The following CTSO variants were observed in gnomAD, a reference collection of about 807,000 sequenced individuals.
The protein encoded by CTSO is cathepsin O.
CTSO carries 40 observed loss-of-function variants against 42.4 expected under a neutral mutation model. The observed-to-expected ratio is 0.94, with a 90% confidence interval of 0.73 to 1.23. The LOEUF is 1.23. CTSO is among the 50% of genes most tolerant of loss of function. The pLI, the probability that CTSO is intolerant of heterozygous loss-of-function variation, is 0.00. For missense variants in CTSO, 441 were observed against 396.0 expected, an observed-to-expected ratio of 1.11 and a Z score of -0.96; for synonymous variants, 156 against 146.2, an observed-to-expected ratio of 1.07 and a Z score of -0.48.
rs369167914 is a variant in CTSO at position 155,939,431 on chromosome 4, C to T, written c.492G>A (p.Ser164=). The T allele has an allele frequency of 6.2e-6, 10 of 1,613,948 alleles. No homozygotes were observed. The East Asian group carries it at 6.7e-5, about 11-fold the overall frequency. Residue 164 remains serine (S), a synonymous_variant, in exon 4 of 8, where the codon TCG becomes TCA. Transcript: ENST00000433477. ...CTCCATTGCAGCCATAATTATTATA[C>T]GAACAGTCAATGACCTGCTGGACAC... ...DLSVQQVIDC[S]YNNYGCNGGS...
chr4:155,935,209 C>T (rs1436523377), intron 5 of CTSO, among the ~76,000 whole-genome samples: 2 of 152,132 alleles, frequency 1.3e-5, no homozygotes, highest in African/African-American at 4.8e-5. Context: ...GTAAGTAGTG[C>T]CTTTTACCTC....
At chr4:155,936,421 G>C (rs771937209) in intron 5 of CTSO, among the ~76,000 whole-genome samples, 37 of 152,116 alleles carry the variant, frequency 2.4e-4, no homozygotes, top group Admixed American at 5.2e-4. Flanking sequence ...TGGATCAAGG[G>C]ATTATTTTAT....
intron 1 of CTSO, among the ~76,000 whole-genome samples, chr4:155,946,227 G>A (rs900212056): frequency 3.9e-5 from 6 of 152,124 alleles, no homozygotes; most frequent in Non-Finnish European, 5.9e-5. Flanking sequence ...AATGCCAGAT[G>A]AAACAAACTT....
chr4:155,952,918 C>T (rs1168803231), intron 1 of CTSO, among the ~76,000 whole-genome samples: 1 of 152,116 alleles, frequency 6.6e-6, no homozygotes, highest in Non-Finnish European at 1.5e-5. Context: ...TAAATAGTAT[C>T]AGCTATCTAG....
At chr4:155,931,023 A>G (rs1184982869) in intron 5 of CTSO, among the ~76,000 whole-genome samples, 1 of 152,178 alleles carries the variant, frequency 6.6e-6, no homozygotes, top group Non-Finnish European at 1.5e-5. Context: ...TCAACCTACC[A>G]TGCAGAATCA....
chr4:155,932,687 C>T (rs1483878981), intron 5 of CTSO, among the ~76,000 whole-genome samples: 2 of 152,248 alleles, frequency 1.3e-5, no homozygotes, highest in East Asian at 3.9e-4. Context: ...ACATTTTACC[C>T]TGGCTGCCAG....
In CTSO at chr4:155,940,756, T is replaced by C. The variant is rs28720693; in HGVS notation, c.385-1218A>G. On this transcript the variant is annotated intron_variant, in intron 3 of 7. Coordinates refer to ENST00000433477, the MANE Select transcript of CTSO (RefSeq NM_001334.3). ...TACTAAGGAGGCTGAGGCAGGAGAA[T>C]CTCTTGAACCTGGGAGGTGGAGGTT... is the stretch of plus-strand genomic sequence containing the variant. 6.3e-3 allele frequency among the ~76,000 whole-genome samples: 960 copies of C among 151,806 alleles called. 9 individuals carry two copies. The highest frequency in any genetic ancestry group is 0.022 in the African/African-American group (928 of 41,356).
chr4:155,929,532 C>G lies in CTSO; in HGVS notation c.838+10G>C. ...TGGAAAGCAGTCAACTGAGTCTTAT[C>G]AGCACTTACCTGTTTTATCAAACCC... On this transcript the variant is annotated intron_variant, in intron 6 of 7. Transcript: ENST00000433477. 6.2e-7 allele frequency: 1 copy of G among 1,608,214 alleles called. No individual in the cohort carries two copies. The highest frequency in any genetic ancestry group is 8.5e-7 in the Non-Finnish European group (1 of 1,177,336).
chr4:155,928,378 C>T lies in CTSO; in HGVS notation c.889G>A (p.Val297Ile), dbSNP rs772150509. The change falls in exon 7 of 8, where the codon GTA becomes ATA. Residue 297 changes from valine to isoleucine, a missense_variant. By Grantham distance (29) the Val-to-Ile change is conservative (BLOSUM62 3). Transcript: ENST00000433477. The stretch of plus-strand genomic sequence containing the variant: ...ATTTTGACATGGGCATAACCATCTA[C>T]TCCCCAAGAACTTCCCCAGGAATTC... Reference protein sequence around the residue: ...VRNSWGSSWGVDGYAHVKMGS... With the variant: ...VRNSWGSSWGIDGYAHVKMGS... 6.2e-7 allele frequency: 1 copy of T among 1,613,450 alleles called. No homozygotes were observed. The highest frequency in any genetic ancestry group is 1.7e-5 in the Admixed American group (1 of 59,982).
At chr4:155,929,455 C>A (rs199645689) in intron 6 of CTSO, 87 bp downstream of exon 6, 2 of 1,381,724 alleles carry the variant, frequency 1.4e-6, no homozygotes, top group South Asian at 1.4e-5. Context: ...ATAGCAGAAC[C>A]AAATTTCAAT....
intron 1 of CTSO, 131 bp downstream of exon 1, chr4:155,953,582 C>A (rs983275388): frequency 2.7e-6 from 3 of 1,114,632 alleles, no homozygotes; most frequent in Non-Finnish European, 3.4e-6. Flanking sequence ...CAGCTCAGGG[C>A]CCCAGACGCA....
At chr4:155,935,404 A>C (rs544019482) in intron 5 of CTSO, among the ~76,000 whole-genome samples, 2 of 151,956 alleles carry the variant, frequency 1.3e-5, no homozygotes, top group South Asian at 4.2e-4. Context: ...TGGCTTCATC[A>C]TTGTTCTAAC....
rs774898733 is a variant in CTSO, at chr4:155,949,670, G to A, written c.135+4043C>T. Among the ~76,000 whole-genome samples, 3 of 152,188 alleles carry A rather than the reference G, an allele frequency of 2.0e-5. No homozygotes were observed. The South Asian group carries it at 6.2e-4, about 32-fold the overall frequency. On this transcript the variant is annotated intron_variant, in intron 1 of 7. Transcript: ENST00000433477. The stretch of plus-strand genomic sequence containing the variant: ...TAGATTTAAAATGTTCTCCTTAGGA[G>A]TGCTTTCGTTTCTGGAAATTGCAGT...
chr4:155,932,377 C>T (rs1743251621), intron 5 of CTSO, among the ~76,000 whole-genome samples: 1 of 152,066 alleles, frequency 6.6e-6, no homozygotes, highest in Admixed American at 6.5e-5. Flanking sequence ...TATGGCTCTC[C>T]CTGAGTCTCA....
intron 1 of CTSO, among the ~76,000 whole-genome samples, chr4:155,948,534 T>G (rs1056764527): frequency 1.3e-5 from 2 of 152,132 alleles, no homozygotes; most frequent in Non-Finnish European, 2.9e-5. Flanking sequence ...TAAAGGAGGT[T>G]GATAAGAACT....
rs1743351578 is a variant in CTSO, at chr4:155,937,571, A to G, written c.553-88T>C. The G allele has an allele frequency of 6.7e-6, 8 of 1,186,044 alleles. No homozygotes were observed. The East Asian group carries it at 1.2e-4, about 17-fold the overall frequency. The allele number at this position is 1,186,044 out of a possible 1,614,324, so 73.5% of individuals were successfully genotyped here. A position where few individuals can be genotyped will look rare whatever the true frequency, so the allele number is the denominator to read the frequency against. On this transcript the variant is annotated intron_variant, in intron 4 of 7. Transcript: ENST00000433477. ...ACTTCACTGTGTCAAAACAGGTTCA[A>G]TTTCACACACCTTCATCATGTGGAT...
At chr4:155,953,235 C>T (rs1432144857) in intron 1 of CTSO, among the ~76,000 whole-genome samples, 1 of 151,904 alleles carries the variant, frequency 6.6e-6, no homozygotes, top group African/African-American at 2.4e-5. Context: ...TAAAGACAGG[C>T]TCTTTGTTTC....
intron 5 of CTSO, 50 bp downstream of exon 5, chr4:155,937,312 T>C (rs1382678396): frequency 6.9e-7 from 1 of 1,452,324 alleles, no homozygotes; most frequent in African/African-American, 1.4e-5. Flanking sequence ...AGTCAATAGA[T>C]CATAAATTAA....
rs368612449 is a variant in CTSO at position 155,953,827 on chromosome 4, C to T, written c.21G>A (p.Pro7=). 3.1e-5 allele frequency: 40 copies of T among 1,307,860 alleles called. No individual in the cohort carries two copies. The East Asian group carries it at 6.5e-4, about 21-fold the overall frequency. The allele number at this position is 1,307,860 out of a possible 1,614,324, so 81.0% of individuals were successfully genotyped here. MDVRAL[P]WLPWLLWLLC... The stretch of plus-strand genomic sequence containing the variant: ...GCAGCCACAGCAGCCACGGCAGCCA[C>T]GGCAGCGCCCGCACGTCCATTGCGG... Residue 7 remains proline (P), a synonymous_variant, in exon 1 of 8, where the codon CCG becomes CCA. Coordinates refer to ENST00000433477, the MANE Select transcript of CTSO (RefSeq NM_001334.3).
Sources: gnomAD v4.1 joint callset for allele counts (sites outside exome capture counted in the v4.1 genomes callset) on GRCh38, gnomAD v4.1.1 for gene constraint, MANE v1.5 for transcripts, NCBI Gene and HGNC (gene_info 2026-07-23, HGNC 2026-07-21) for gene names.